Variants in LURAP1L observed in about 807,000 individuals in gnomAD.
LURAP1L encodes the protein leucine rich adaptor protein 1 like.
A neutral mutation model predicts 13.8 loss-of-function variants in LURAP1L; 12 were observed. The observed-to-expected ratio is 0.87, with a 90% CI of 0.56 to 1.41. The LOEUF (loss-of-function observed/expected upper bound fraction) is 1.41. Among genes scored for constraint, LURAP1L ranks in the 40% most tolerant of loss-of-function variants. The probability of loss-of-function intolerance (pLI) is 0.00; values close to 1 mark genes in which losing one functional copy is unlikely to be tolerated. For synonymous variants in LURAP1L, 139 were observed against 119.2 expected (o/e 1.17, Z -1.08); for missense variants, 375 against 292.9 (o/e 1.28, Z -2.04).
At chr9:12,777,745 A>T (rs10809839) in intron 1 of LURAP1L, 175,223 of 205,050 alleles carry the variant, frequency 0.85, 75,215 homozygotes, top group Non-Finnish European at 0.88. Context: ...GTATGTGAAG[A>T]TCATTTTCTG....
intron 1 of LURAP1L, among the ~76,000 whole-genome samples, chr9:12,786,545 GACATATATATAT>G (rs1192170060): frequency 6.3e-5 from 1 of 15,802 alleles, no homozygotes; most frequent in Non-Finnish European, 1.2e-4. Flanking sequence ...GTATATATAT[GACATATATATAT>G]ATATATATAT....
intron 1 of LURAP1L, among the ~76,000 whole-genome samples, chr9:12,803,837 T>C (rs1819619850): frequency 6.6e-6 from 1 of 152,232 alleles, no homozygotes; most frequent in Non-Finnish European, 1.5e-5. Flanking sequence ...ATTTAGTCAT[T>C]GATATCCTGT....
At chr9:12,805,255 A>G (rs1050810237) in intron 1 of LURAP1L, among the ~76,000 whole-genome samples, 7 of 152,150 alleles carry the variant, frequency 4.6e-5, no homozygotes, top group African/African-American at 1.7e-4. Context: ...GAATTCTGGG[A>G]CTATTAAATT....
rs755496690 is a variant in LURAP1L, at chr9:12,778,676, G to A, written c.312+2649G>A. On this transcript the variant is annotated intron_variant, in intron 1 of 1. Transcript: ENST00000319264. ...AGACGATGTTTCCAAACAAACTAACGCACAAAATATGTGTAGGTTTCCCTA... is the reference window on the plus strand; with the variant it reads ...AGACGATGTTTCCAAACAAACTAACACACAAAATATGTGTAGGTTTCCCTA... Among the ~76,000 whole-genome samples, 16 of 152,128 alleles carry A rather than the reference G, an allele frequency of 1.1e-4. No homozygotes were observed. The South Asian group carries it at 1.2e-3, about 12-fold the overall frequency.
chr9:12,810,410 A>G (rs1012263058), intron 1 of LURAP1L, among the ~76,000 whole-genome samples: 1 of 152,188 alleles, frequency 6.6e-6, no homozygotes, highest in Non-Finnish European at 1.5e-5. Context: ...AATTTAGCCA[A>G]TGACCTCAGT....
chr9:12,820,482 G>C (rs1819859006), intron 1 of LURAP1L, among the ~76,000 whole-genome samples: 2 of 122,376 alleles, frequency 1.6e-5, no homozygotes, highest in Admixed American at 1.1e-4. Flanking sequence ...CAGCCTGGAC[G>C]ACAGATCGAG....
intron 1 of LURAP1L, among the ~76,000 whole-genome samples, chr9:12,800,704 C>T (rs1003681617): frequency 6.6e-6 from 1 of 152,096 alleles, no homozygotes; most frequent in Non-Finnish European, 1.5e-5. Context: ...TTAATGAGCT[C>T]AAATCATCAC....
At chr9:12,776,667 A>G (rs1424134723) in intron 1 of LURAP1L, among the ~76,000 whole-genome samples, 1 of 152,016 alleles carries the variant, frequency 6.6e-6, no homozygotes, top group Non-Finnish European at 1.5e-5. Flanking sequence ...AGCTTGTTTC[A>G]CTATTTTGAT....
chr9:12,810,869 T>C (rs1247265852), intron 1 of LURAP1L, among the ~76,000 whole-genome samples: 4 of 152,160 alleles, frequency 2.6e-5, no homozygotes, highest in Non-Finnish European at 5.9e-5. Flanking sequence ...AGTCAGTGTT[T>C]AGACACCACA....
chr9:12,811,731 T>A (rs911755872), intron 1 of LURAP1L, among the ~76,000 whole-genome samples: 3 of 152,222 alleles, frequency 2.0e-5, no homozygotes, highest in Non-Finnish European at 4.4e-5. Flanking sequence ...GGTGTATTAG[T>A]TATTCAAGCT....
chr9:12,793,621 G>A (rs1311055979), intron 1 of LURAP1L, among the ~76,000 whole-genome samples: 2 of 152,054 alleles, frequency 1.3e-5, no homozygotes, highest in Non-Finnish European at 2.9e-5. Context: ...ACTCGAAGTT[G>A]AAATCTTATG....
intron 1 of LURAP1L, among the ~76,000 whole-genome samples, chr9:12,812,393 GCGCC>G (rs1819748868): frequency 6.6e-6 from 1 of 152,182 alleles, no homozygotes; most frequent in Non-Finnish European, 1.5e-5. Flanking sequence ...TCTAGGAGCA[GCGCC>G]CATCCATTTT....
At chr9:12,793,431 G>A (rs541801169) in intron 1 of LURAP1L, among the ~76,000 whole-genome samples, 5 of 152,142 alleles carry the variant, frequency 3.3e-5, no homozygotes, top group Non-Finnish European at 5.9e-5. Context: ...GAATTAGACC[G>A]ATGCATGTCC....
At chr9:12,806,391 T>C (rs1819656694) in intron 1 of LURAP1L, among the ~76,000 whole-genome samples, 1 of 152,146 alleles carries the variant, frequency 6.6e-6, no homozygotes, top group Non-Finnish European at 1.5e-5. Flanking sequence ...TCTTTTTTTT[T>C]TTCTTTTCTG....
chr9:12,792,264 A>T (rs1819450610), intron 1 of LURAP1L, among the ~76,000 whole-genome samples: 1 of 152,156 alleles, frequency 6.6e-6, no homozygotes, highest in Non-Finnish European at 1.5e-5. Context: ...GGAAGCAAGA[A>T]TTCTGAGAAC....
At chr9:12,815,315 T>G (rs923973525) in intron 1 of LURAP1L, among the ~76,000 whole-genome samples, 7 of 152,166 alleles carry the variant, frequency 4.6e-5, no homozygotes, top group Non-Finnish European at 8.8e-5. Flanking sequence ...ATACTCCAAG[T>G]GCTTTTAAAC....
chr9:12,807,672 T>C (rs1181585733), intron 1 of LURAP1L, among the ~76,000 whole-genome samples: 1 of 152,226 alleles, frequency 6.6e-6, no homozygotes, highest in Non-Finnish European at 1.5e-5. Context: ...CTATTCACAT[T>C]TAAAGTGATT....
At chr9:12,812,851 A>G (rs1187351911) in intron 1 of LURAP1L, among the ~76,000 whole-genome samples, 2 of 152,192 alleles carry the variant, frequency 1.3e-5, no homozygotes, top group South Asian at 2.1e-4. Flanking sequence ...ATAAATGTTC[A>G]ACTGAGTTTA....
Position 12,821,988 on chromosome 9 carries a change from T to C in LURAP1L, c.*228T>C, listed in dbSNP as rs1819888308. On this transcript the variant is annotated 3_prime_UTR_variant, in exon 2 of 2. Coordinates refer to ENST00000319264, the MANE Select transcript of LURAP1L (RefSeq NM_203403.2). ...TTATTTATTACAATGATTTTCTCCC[T>C]TCTTTTACAGTAGCACAAACAAAGT... 4 of 450,244 alleles carry C rather than the reference T, an allele frequency of 8.9e-6. No homozygotes were observed. The highest frequency in any genetic ancestry group is 5.3e-5 in the South Asian group (1 of 18,890). The allele number at this position is 450,244 out of a possible 1,614,324, so 27.9% of individuals were successfully genotyped here.
Sources: allele counts gnomAD v4.1 joint callset (sites outside exome capture counted in the v4.1 genomes callset), GRCh38; gene constraint gnomAD v4.1.1; transcripts MANE v1.5; gene names NCBI Gene and HGNC (gene_info 2026-07-23, HGNC 2026-07-21).